Variants in LOXHD1 observed in about 807,000 individuals in gnomAD.
LOXHD1 encodes lipoxygenase homology PLAT domains 1.
A neutral mutation model predicts 248.2 loss-of-function variants in LOXHD1; 205 were observed. The observed-to-expected ratio is 0.83, with a 90% CI of 0.74 to 0.93. The LOEUF (loss-of-function observed/expected upper bound fraction) is 0.93, where lower values mean the gene tolerates loss of function less well. Ranked by LOEUF, LOXHD1 falls within the 40% of genes least tolerant of loss-of-function variation. The pLI is 0.00. For synonymous variants in LOXHD1, 1,113 were observed against 1,162.8 expected (o/e 0.96, Z 0.87); for missense variants, 2,930 against 2,971.6 (o/e 0.99, Z 0.33).
At chr18:46,480,329 C>G (rs1300629770) in intron 40 of LOXHD1, among the ~76,000 whole-genome samples, 5 of 152,112 alleles carry the variant, frequency 3.3e-5, no homozygotes, top group Non-Finnish European at 7.4e-5. Flanking sequence ...CTCCATTTCA[C>G]CCAACCCTGC....
At chr18:46,504,863 G>C (rs1251767452) in intron 37 of LOXHD1, among the ~76,000 whole-genome samples, 1 of 152,206 alleles carries the variant, frequency 6.6e-6, no homozygotes, top group East Asian at 1.9e-4. Flanking sequence ...TTCTACAGAA[G>C]ACAAAAGGGT....
intron 33 of LOXHD1, among the ~76,000 whole-genome samples, 175 bp downstream of exon 33, chr18:46,520,922 G>C (rs1434220192): frequency 6.6e-6 from 1 of 152,226 alleles, no homozygotes; most frequent in African/African-American, 2.4e-5. Context: ...GACCAGAAGA[G>C]AGTTCAGTCT....
intron 8 of LOXHD1, among the ~76,000 whole-genome samples, chr18:46,599,514 G>A (rs971293123): frequency 1.3e-5 from 2 of 152,086 alleles, no homozygotes; most frequent in East Asian, 1.9e-4. Flanking sequence ...GGATATAGGA[G>A]AATGTCTTCA....
chr18:46,560,048 T>TGCCTG, intron 19 of LOXHD1, 35 bp downstream of exon 19: 21 of 1,226,292 alleles, frequency 1.7e-5, no homozygotes, highest in African/African-American at 3.3e-5. Flanking sequence ...GTCTGGCCAC[T>TGCCTG]CCCTCCCCAC....
Position 46,509,748 on chromosome 18 carries a change from G to C in LOXHD1, c.5467C>G (p.Arg1823Gly). Residue 1823 changes from arginine to glycine, a missense_variant, in exon 35 of 41, where the codon CGG (arginine) becomes GGG (glycine). Physicochemically the swap from Arg to Gly is moderately radical, Grantham distance 125. Transcript: ENST00000642948. ...ILDIAPFTKMRIRIDGLGSRP... is the reference protein window; with the variant it reads ...ILDIAPFTKMGIRIDGLGSRP... Reference sequence around the variant, plus strand: ...CTGCCCAGGCCATCAATCCGGATCCGCATCTTGGTGAATGGAGCAATGTCT... The same window carrying C: ...CTGCCCAGGCCATCAATCCGGATCCCCATCTTGGTGAATGGAGCAATGTCT... The C allele has an allele frequency of 1.3e-6, 2 of 1,551,506 alleles. No individual in the cohort carries two copies. Among genetic ancestry groups the C allele is most frequent in the Non-Finnish European group, 1.7e-6 (2 of 1,146,974 alleles).
intron 19 of LOXHD1, 69 bp downstream of exon 19, chr18:46,560,014 C>A: frequency 6.7e-7 from 1 of 1,491,450 alleles, no homozygotes; most frequent in Non-Finnish European, 9.0e-7. Flanking sequence ...CCCCTGCCCC[C>A]AGTGGGCCCC....
intron 8 of LOXHD1, among the ~76,000 whole-genome samples, chr18:46,594,873 A>G (rs997120953): frequency 6.6e-6 from 1 of 152,144 alleles, no homozygotes; most frequent in Non-Finnish European, 1.5e-5. Flanking sequence ...TAATATAAAA[A>G]CCAACTTCTC....
At chr18:46,503,888 T>A (rs1359416410) in intron 37 of LOXHD1, among the ~76,000 whole-genome samples, 2 of 151,984 alleles carry the variant, frequency 1.3e-5, no homozygotes, top group Non-Finnish European at 2.9e-5. Context: ...GGGTGCAGAA[T>A]GGTGGCTGGC....
intron 7 of LOXHD1, among the ~76,000 whole-genome samples, chr18:46,602,308 C>A (rs1346021987): frequency 6.6e-6 from 1 of 152,068 alleles, no homozygotes; most frequent in African/African-American, 2.4e-5. Flanking sequence ...CAGGCTCAAG[C>A]GATTCTCGTG....
intron 12 of LOXHD1, among the ~76,000 whole-genome samples, chr18:46,589,607 C>T (rs1484301370): frequency 1.3e-5 from 2 of 152,314 alleles, no homozygotes; most frequent in East Asian, 3.9e-4. Context: ...ATCAGCATAG[C>T]TGGTGGTGGG....
intron 34 of LOXHD1, among the ~76,000 whole-genome samples, 169 bp downstream of exon 34, chr18:46,517,960 C>T (rs2144080846): frequency 6.6e-6 from 1 of 152,244 alleles, no homozygotes; most frequent in Non-Finnish European, 1.5e-5. Context: ...TAGATTTGAG[C>T]TGGCCCTTGA....
chr18:46,558,227 ACT>A (rs985541364), intron 20 of LOXHD1, among the ~76,000 whole-genome samples: 1 of 152,024 alleles, frequency 6.6e-6, no homozygotes, highest in East Asian at 1.9e-4. Flanking sequence ...TCTCTCTTGC[ACT>A]CTCTCTCTTG....
chr18:46,644,069 C>T (rs1008959221), intron 2 of LOXHD1, among the ~76,000 whole-genome samples: 1 of 152,102 alleles, frequency 6.6e-6, no homozygotes, highest in East Asian at 1.9e-4. Flanking sequence ...TTTTAACTTT[C>T]CAAAAGGAAC....
At chr18:46,630,524 C>T (rs1179524547) in intron 4 of LOXHD1, among the ~76,000 whole-genome samples, 3 of 152,218 alleles carry the variant, frequency 2.0e-5, no homozygotes, top group Non-Finnish European at 4.4e-5. Context: ...GAGGTCATCC[C>T]AAATCTACCT....
Position 46,594,339 on chromosome 18 carries a change from C to T in LOXHD1, c.1262G>A (p.Arg421Gln), listed in dbSNP as rs184934277. ...GGGTCTCTCTCACTTACTTTTCAGC[C>T]GCTTCTTCCTGAGAGACACCATCTC... is the stretch of plus-strand genomic sequence containing the variant. ...LYEMVSLRKKRLKKFPWSLWV... is the reference protein window; with the variant it reads ...LYEMVSLRKKQLKKFPWSLWV... The change falls in exon 9 of 41, where the codon CGG (arginine) becomes CAG (glutamine). Residue 421 changes from arginine (R) to glutamine (Q), a missense_variant. Coordinates refer to ENST00000642948, the MANE Select transcript of LOXHD1 (RefSeq NM_001384474.1). 108 of 1,551,572 alleles carry T rather than the reference C, an allele frequency of 7.0e-5. No homozygotes were observed. The highest frequency in any genetic ancestry group is 2.4e-4 in the East Asian group (10 of 40,910).
At chr18:46,597,948 T>A (rs1271711261) in intron 8 of LOXHD1, among the ~76,000 whole-genome samples, 2 of 139,878 alleles carry the variant, frequency 1.4e-5, no homozygotes, top group East Asian at 2.0e-4. Flanking sequence ...TTTTTTTTTT[T>A]AGTAGAGATG....
intron 27 of LOXHD1, 120 bp from the exon 28 acceptor site, chr18:46,533,444 G>T: frequency 9.4e-7 from 1 of 1,065,998 alleles, no homozygotes; most frequent in Non-Finnish European, 1.3e-6. Context: ...CATAAATAAT[G>T]TAAAAGCCAC....
Position 46,569,621 on chromosome 18 carries a change from T to C in LOXHD1, c.2065A>G (p.Ser689Gly), listed in dbSNP as rs2037712808. 6.4e-7 allele frequency: 1 copy of C among 1,550,970 alleles called. No homozygotes were observed. Among genetic ancestry groups the C allele is most frequent in the Non-Finnish European group, 8.7e-7 (1 of 1,146,416 alleles). The change falls in exon 16 of 41, where the codon AGC (serine) becomes GGC (glycine). Residue 689 changes from serine to glycine, a missense_variant. Coordinates refer to ENST00000642948, the MANE Select transcript of LOXHD1 (RefSeq NM_001384474.1). The stretch of plus-strand genomic sequence containing the variant: ...CCAGAGACATCCCCAGTCTTCAAGC[T>C]GATGTGATAGCGAAAGTCTGAACAG... ...ATLKNFRYHI[S>G]LKTGDVSGAS... is the part of the protein sequence containing the mutation.
chr18:46,508,643 C>T (rs1157859319), intron 35 of LOXHD1, among the ~76,000 whole-genome samples: 2 of 152,218 alleles, frequency 1.3e-5, no homozygotes, highest in African/African-American at 2.4e-5. Context: ...CTATAACATA[C>T]ATTATGTAAG....
Sources: gnomAD v4.1 joint callset for allele counts (sites outside exome capture counted in the v4.1 genomes callset) on GRCh38, gnomAD v4.1.1 for gene constraint, MANE v1.5 for transcripts, NCBI Gene and HGNC (gene_info 2026-07-23, HGNC 2026-07-21) for gene names.